Variants in SKAP2 observed in about 807,000 individuals in gnomAD.
The protein encoded by SKAP2 is src kinase associated phosphoprotein 2, also known as src kinase-associated phosphoprotein 2.
Under a neutral mutation model 54.9 loss-of-function variants are expected in SKAP2, and 28 were observed. The ratio of observed to expected loss-of-function variants is 0.51; its 90% CI spans 0.38 to 0.70. The LOEUF (loss-of-function observed/expected upper bound fraction) is 0.70, where lower values mean the gene tolerates loss of function less well. Among genes scored for constraint, SKAP2 ranks in the 30% least tolerant of loss-of-function variants. SKAP2 has a pLI of 0.00. For missense variants in SKAP2, 356 were observed against 424.1 expected (o/e 0.84, Z 1.41); for synonymous variants, 137 against 134.3 (o/e 1.02, Z -0.14).
At chr7:26,673,396 C>T (rs79722498) in intron 11 of SKAP2, among the ~76,000 whole-genome samples, 2,205 of 152,096 alleles carry the variant, frequency 0.014, 38 homozygotes, top group African/African-American at 0.048. Context: ...CTTTGTAGGA[C>T]GTGTAATTAT....
At chr7:26,718,159 G>C (rs1172569654) in intron 9 of SKAP2, among the ~76,000 whole-genome samples, 2 of 152,104 alleles carry the variant, frequency 1.3e-5, no homozygotes, top group Non-Finnish European at 2.9e-5. Flanking sequence ...CTTAGGCACA[G>C]TGCCTGGCAC....
chr7:26,864,457 A>G lies in SKAP2; in HGVS notation c.-28T>C. ...TAGGGAGCGCAGGGCGTGCGGGGAA[A>G]GGACCTGCGCTGAAAAGGTGACCGA... is the stretch of plus-strand genomic sequence containing the variant. On this transcript the variant is annotated 5_prime_UTR_variant, in exon 1 of 13. Coordinates refer to ENST00000345317, the MANE Select transcript of SKAP2 (RefSeq NM_003930.5). 6.3e-7 allele frequency: 1 copy of G among 1,586,886 alleles called. No individual in the cohort carries two copies. Among genetic ancestry groups the G allele is most frequent in the Non-Finnish European group, 8.6e-7 (1 of 1,166,314 alleles).
intron 9 of SKAP2, among the ~76,000 whole-genome samples, chr7:26,712,439 A>G (rs1227010255): frequency 6.6e-6 from 1 of 152,138 alleles, no homozygotes; most frequent in Admixed American, 6.5e-5. Context: ...TGTCTTTTTT[A>G]TATGTGTGCA....
rs1203398319 is a variant in SKAP2, at chr7:26,844,011, G to A, written c.307+19C>T. ...TGTTTTGTGTGAGTGTCAGAGTTAC[G>A]TGGGAAAATGTCACATACCATCAGA... On this transcript the variant is annotated intron_variant, in intron 4 of 12. Transcript: ENST00000345317. 5.6e-6 allele frequency: 8 copies of A among 1,434,290 alleles called. No individual in the cohort carries two copies. The highest frequency in any genetic ancestry group is 2.3e-5 in the South Asian group (2 of 87,082). 88.8% of individuals were successfully genotyped at this position (1,434,290 alleles called of 1,614,324 possible). A position where few individuals can be genotyped will look rare whatever the true frequency, so the allele number is the denominator to read the frequency against.
chr7:26,750,846 T>C (rs1464251272), intron 4 of SKAP2, among the ~76,000 whole-genome samples: 1 of 152,140 alleles, frequency 6.6e-6, no homozygotes, highest in Non-Finnish European at 1.5e-5. Flanking sequence ...ATAATTTAGA[T>C]TGAATTCTTT....
chr7:26,781,522 G>A (rs1381856880), intron 4 of SKAP2, among the ~76,000 whole-genome samples: 1 of 152,150 alleles, frequency 6.6e-6, no homozygotes, highest in African/African-American at 2.4e-5. Context: ...AGTCAACTTT[G>A]CAACAAATCC....
At chr7:26,796,087 T>C (rs941462302) in intron 4 of SKAP2, among the ~76,000 whole-genome samples, 2 of 152,222 alleles carry the variant, frequency 1.3e-5, no homozygotes, top group African/African-American at 4.8e-5. Flanking sequence ...TTTTATCATT[T>C]ACCACCATAA....
intron 4 of SKAP2, among the ~76,000 whole-genome samples, chr7:26,806,092 T>C (rs1472410748): frequency 6.6e-6 from 1 of 152,206 alleles, no homozygotes; most frequent in African/African-American, 2.4e-5. Context: ...CATATTTCAT[T>C]GATAAATATT....
chr7:26,856,973 A>G (rs960096410), intron 1 of SKAP2, among the ~76,000 whole-genome samples: 1 of 134,106 alleles, frequency 7.5e-6, no homozygotes, highest in African/African-American at 2.7e-5. Context: ...AAAAATTCAG[A>G]AAAAAAAAAA....
intron 9 of SKAP2, among the ~76,000 whole-genome samples, chr7:26,711,213 A>T (rs1787294898): frequency 6.6e-6 from 1 of 152,180 alleles, no homozygotes; most frequent in African/African-American, 2.4e-5. Flanking sequence ...GGATAGAGGA[A>T]ATAATGGCCA....
chr7:26,666,568 A>T (rs1786108495), downstream of SKAP2, among the ~76,000 whole-genome samples: 1 of 152,104 alleles, frequency 6.6e-6, no homozygotes, highest in Admixed American at 6.6e-5. Context: ...CAAAAAGTGA[A>T]ACAAAACAAA....
chr7:26,679,356 T>G (rs1786431647), intron 11 of SKAP2, among the ~76,000 whole-genome samples: 1 of 152,230 alleles, frequency 6.6e-6, no homozygotes, highest in Non-Finnish European at 1.5e-5. Flanking sequence ...TGAGTAGAAC[T>G]AGAACATTTT....
intron 3 of SKAP2, among the ~76,000 whole-genome samples, chr7:26,851,403 C>T (rs1437223282): frequency 6.6e-6 from 1 of 151,958 alleles, no homozygotes; most frequent in African/African-American, 2.4e-5. Context: ...AAGATGGTGC[C>T]GCTACACTCC....
At chr7:26,827,884 CA>C in intron 4 of SKAP2, among the ~76,000 whole-genome samples, 1 of 152,290 alleles carries the variant, frequency 6.6e-6, no homozygotes, top group Admixed American at 6.5e-5. Context: ...ACACTGATAG[CA>C]AGTGCTGCTT....
Position 26,782,751 on chromosome 7 carries a change from C to T in SKAP2, c.308-42787G>A, listed in dbSNP as rs149612189. On this transcript the variant is annotated intron_variant, in intron 4 of 12. Transcript: ENST00000345317. ...ATTAGTCATAAAAGCAGAATCACTG[C>T]GAATGGGATTAAAGCCCTCATAAAA... Among the ~76,000 whole-genome samples the T allele has an allele frequency of 6.6e-5, 10 of 152,220 alleles. No individual in the cohort carries two copies. In the East Asian group the frequency reaches 1.7e-3, roughly 26 times the overall value.
chr7:26,764,109 A>G (rs952080246), intron 4 of SKAP2, among the ~76,000 whole-genome samples: 2 of 152,216 alleles, frequency 1.3e-5, no homozygotes, highest in East Asian at 3.8e-4. Flanking sequence ...AAAAGATAGC[A>G]GTTTGGAAAT....
intron 4 of SKAP2, among the ~76,000 whole-genome samples, chr7:26,796,194 A>C (rs761081297): frequency 3.9e-5 from 6 of 152,246 alleles, no homozygotes; most frequent in Non-Finnish European, 4.4e-5. Flanking sequence ...AAATGTAAAC[A>C]AATGATAATG....
chr7:26,784,230 G>C (rs1336277339), intron 4 of SKAP2, among the ~76,000 whole-genome samples: 1 of 152,080 alleles, frequency 6.6e-6, no homozygotes. Context: ...TTTACCTCTG[G>C]CTGTTCAGGG....
intron 4 of SKAP2, among the ~76,000 whole-genome samples, chr7:26,822,719 CAA>C (rs60291116): frequency 3.6e-5 from 5 of 137,630 alleles, no homozygotes; most frequent in African/African-American, 5.2e-5. Flanking sequence ...ACTAAAAATA[CAA>C]AAAAAAAAAA....
Sources: allele counts gnomAD v4.1 joint callset (sites outside exome capture counted in the v4.1 genomes callset), GRCh38; gene constraint gnomAD v4.1.1; transcripts MANE v1.5; gene names NCBI Gene and HGNC (gene_info 2026-07-23, HGNC 2026-07-21).